Variants in FGGY observed in about 807,000 individuals in gnomAD.
FGGY encodes the protein FGGY carbohydrate kinase domain containing.
A neutral mutation model predicts 71.3 loss-of-function variants in FGGY; 72 were observed. The ratio of observed to expected loss-of-function variants is 1.01; its 90% CI spans 0.84 to 1.23. FGGY has a LOEUF of 1.23. FGGY is among the 50% of genes most tolerant of loss of function. The pLI is 0.00. For synonymous variants in FGGY, 251 were observed against 250.3 expected (o/e 1.00, Z -0.02); for missense variants, 668 against 682.3 (o/e 0.98, Z 0.23).
intron 6 of FGGY, among the ~76,000 whole-genome samples, chr1:59,485,501 G>A (rs2093630423): frequency 6.6e-6 from 1 of 152,186 alleles, no homozygotes; most frequent in Admixed American, 6.5e-5. Flanking sequence ...AGAACAGTGA[G>A]CTTTTGTGGA....
chr1:59,587,545 C>A (rs2096327359), intron 8 of FGGY, among the ~76,000 whole-genome samples: 1 of 152,152 alleles, frequency 6.6e-6, no homozygotes, highest in Admixed American at 6.5e-5. Flanking sequence ...GGAGGCACCC[C>A]CCAGTAGGGG....
At chr1:59,536,379 C>T (rs1271948696) in intron 7 of FGGY, among the ~76,000 whole-genome samples, 2 of 152,216 alleles carry the variant, frequency 1.3e-5, no homozygotes, top group Admixed American at 6.5e-5. Flanking sequence ...GATGGATTCA[C>T]AGCCGAATTC....
chr1:59,628,591 T>A (rs1296112301), intron 10 of FGGY, among the ~76,000 whole-genome samples: 1 of 152,242 alleles, frequency 6.6e-6, no homozygotes, highest in Non-Finnish European at 1.5e-5. Flanking sequence ...AAAAGGGAAC[T>A]CTGTGTATTA....
chr1:59,467,424 C>A, intron 6 of FGGY, among the ~76,000 whole-genome samples: 2 of 151,922 alleles, frequency 1.3e-5, no homozygotes, highest in East Asian at 3.9e-4. Context: ...GTGCAGCAAA[C>A]CAACATGGCA....
chr1:59,304,749 A>G (rs978243950), intron 1 of FGGY, among the ~76,000 whole-genome samples: 2 of 151,980 alleles, frequency 1.3e-5, no homozygotes, highest in Non-Finnish European at 2.9e-5. Flanking sequence ...CTTTCATCAT[A>G]GGTTTATAGT....
At chr1:59,426,907 C>T (rs1284008271) in intron 5 of FGGY, among the ~76,000 whole-genome samples, 1 of 151,226 alleles carries the variant, frequency 6.6e-6, no homozygotes, top group Non-Finnish European at 1.5e-5. Flanking sequence ...CCAGTCCAGG[C>T]AATGCTAATA....
At chr1:59,419,125 T>C (rs537143584) in intron 5 of FGGY, among the ~76,000 whole-genome samples, 56 of 152,312 alleles carry the variant, frequency 3.7e-4, no homozygotes, top group African/African-American at 1.3e-3. Flanking sequence ...TGTTTTGTTC[T>C]GGTTGGTGGT....
chr1:59,738,105 A>G (rs1312215030), intron 14 of FGGY, among the ~76,000 whole-genome samples: 1 of 152,238 alleles, frequency 6.6e-6, no homozygotes, highest in Non-Finnish European at 1.5e-5. Flanking sequence ...AGAACCTTCA[A>G]GAATATTAAT....
intron 4 of FGGY, among the ~76,000 whole-genome samples, chr1:59,354,231 C>T (rs1247880423): frequency 6.6e-6 from 1 of 152,140 alleles, no homozygotes; most frequent in Non-Finnish European, 1.5e-5. Flanking sequence ...GCACACACCA[C>T]CATGCCCAGA....
chr1:59,303,823 T>C (rs116344586), intron 1 of FGGY, among the ~76,000 whole-genome samples: 224 of 152,274 alleles, frequency 1.5e-3, no homozygotes, highest in Admixed American at 3.5e-3. Context: ...ATTGTGCTTT[T>C]GATTTACACT....
chr1:59,455,564 G>A (rs72913791), intron 5 of FGGY, among the ~76,000 whole-genome samples: 184 of 152,288 alleles, frequency 1.2e-3, no homozygotes, highest in African/African-American at 3.2e-3. Context: ...AAGTTAGAGC[G>A]TAGCAATTGA....
At chr1:59,692,239 C>G (rs572195403) in intron 14 of FGGY, among the ~76,000 whole-genome samples, 1 of 152,356 alleles carries the variant, frequency 6.6e-6, no homozygotes, top group South Asian at 2.1e-4. Flanking sequence ...CATTTCACCT[C>G]TTTGTAAATA....
chr1:59,513,277 G>T (rs975175517), intron 7 of FGGY, among the ~76,000 whole-genome samples: 2 of 152,212 alleles, frequency 1.3e-5, no homozygotes, highest in African/African-American at 2.4e-5. Flanking sequence ...GAACAGAATT[G>T]AATAGAACAA....
chr1:59,500,813 G>A (rs10889140), intron 6 of FGGY, among the ~76,000 whole-genome samples: 3 of 151,652 alleles, frequency 2.0e-5, no homozygotes, highest in Non-Finnish European at 4.4e-5. Context: ...GTAATTTAGC[G>A]TTCGTTGAGG....
intron 11 of FGGY, among the ~76,000 whole-genome samples, chr1:59,648,953 C>T (rs2097128025): frequency 6.6e-6 from 1 of 151,584 alleles, no homozygotes; most frequent in South Asian, 2.1e-4. Flanking sequence ...GATCCAGTTT[C>T]AGCTTCCTAC....
intron 5 of FGGY, among the ~76,000 whole-genome samples, chr1:59,392,176 C>T (rs1032094831): frequency 8.5e-5 from 13 of 152,184 alleles, no homozygotes; most frequent in Non-Finnish European, 1.9e-4. Flanking sequence ...CCCAGGGTGG[C>T]TAACTCTGTC....
At chr1:59,674,214 C>A in intron 14 of FGGY, 81 bp downstream of exon 14, 1 of 967,064 alleles carries the variant, frequency 1.0e-6, no homozygotes, top group Non-Finnish European at 1.6e-6. Context: ...TCGCATTTTA[C>A]AAAATACACA....
At chr1:59,572,885 A>C (rs1305732654) in intron 8 of FGGY, among the ~76,000 whole-genome samples, 1 of 152,140 alleles carries the variant, frequency 6.6e-6, no homozygotes, top group Non-Finnish European at 1.5e-5. Flanking sequence ...AGAGAGAAAC[A>C]TTTTTGGTTT....
chr1:59,611,690 C>G (rs550895254), intron 9 of FGGY, among the ~76,000 whole-genome samples: 6 of 152,260 alleles, frequency 3.9e-5, no homozygotes, highest in African/African-American at 1.4e-4. Flanking sequence ...TTCAGACGAT[C>G]AAACTGCTCC....
Sources: allele counts gnomAD v4.1 joint callset (sites outside exome capture counted in the v4.1 genomes callset), GRCh38; gene constraint gnomAD v4.1.1; transcripts MANE v1.5; gene names NCBI Gene and HGNC (gene_info 2026-07-23, HGNC 2026-07-21).